The following CTNNA3 variants were observed in gnomAD, a reference collection of about 807,000 sequenced individuals.
The protein encoded by CTNNA3 is catenin alpha-3.
Under a neutral mutation model 95.7 loss-of-function variants are expected in CTNNA3, and 76 were observed. That is an observed-to-expected ratio of 0.79 (90% confidence interval 0.66 to 0.96). The LOEUF (loss-of-function observed/expected upper bound fraction) is 0.96. Ranked by LOEUF, CTNNA3 falls within the 40% of genes least tolerant of loss-of-function variation. The probability of loss-of-function intolerance (pLI) is 0.00; values close to 1 mark genes in which losing one functional copy is unlikely to be tolerated. For synonymous variants in CTNNA3, 431 were observed against 374.4 expected (o/e 1.15, Z -1.74); for missense variants, 1,191 against 1,089.8 (o/e 1.09, Z -1.31).
chr10:67,508,130 C>T (rs1281750396), intron 5 of CTNNA3, among the ~76,000 whole-genome samples: 1 of 152,142 alleles, frequency 6.6e-6, no homozygotes, highest in Non-Finnish European at 1.5e-5. Context: ...TCTCCTTCCT[C>T]ATACTCCCGA....
Position 66,094,858 on chromosome 10 carries a change from A to G in CTNNA3, c.1977+8299T>C, listed in dbSNP as rs545172984. On this transcript the variant is annotated intron_variant, in intron 14 of 17. Transcript: ENST00000433211. ...TGATAGTGGAGATGGTGAAAAATGG[A>G]CAAGTTCAGAAAATACTTAGAAGAG... Among the ~76,000 whole-genome samples the G allele has an allele frequency of 1.9e-4, 29 of 152,218 alleles. No individual in the cohort carries two copies. The South Asian group carries it at 4.8e-3, about 25-fold the overall frequency.
In CTNNA3 at chr10:66,926,747, T is replaced by TA. The variant is rs567084341; in HGVS notation, c.1048-151224dup. On this transcript the variant is annotated intron_variant, in intron 7 of 17. Transcript: ENST00000433211. ...TGGCATGTTTCCTTGTTTAACTATT[T>TA]AAAAAAACAAAACACTAAAGACAAT... Among the ~76,000 whole-genome samples, 7 of 152,248 alleles carry TA rather than the reference T, an allele frequency of 4.6e-5. No homozygotes were observed. In the South Asian group the frequency reaches 8.3e-4, roughly 18 times the overall value.
intron 3 of CTNNA3, among the ~76,000 whole-genome samples, chr10:67,580,031 T>C (rs979675749): frequency 6.6e-6 from 1 of 152,238 alleles, no homozygotes; most frequent in Non-Finnish European, 1.5e-5. Flanking sequence ...GGTAGTTTCT[T>C]CTGCTGTGCG....
chr10:66,298,935 G>A (rs2091822423), intron 12 of CTNNA3, among the ~76,000 whole-genome samples: 2 of 152,108 alleles, frequency 1.3e-5, no homozygotes, highest in South Asian at 4.1e-4. Flanking sequence ...ACTGCTTAGG[G>A]CCAACCTGCC....
At chr10:67,025,269 C>A (rs1315004191) in intron 7 of CTNNA3, among the ~76,000 whole-genome samples, 1 of 151,466 alleles carries the variant, frequency 6.6e-6, no homozygotes, top group African/African-American at 2.4e-5. Flanking sequence ...TAACTAAATT[C>A]TGGTATATTT....
intron 9 of CTNNA3, among the ~76,000 whole-genome samples, chr10:66,649,119 T>C (rs1173365904): frequency 6.6e-6 from 1 of 151,884 alleles, no homozygotes; most frequent in Non-Finnish European, 1.5e-5. Context: ...AAAAGAGTGT[T>C]TAAAGGAGGA....
chr10:66,931,821 G>A (rs1379808926), intron 7 of CTNNA3, among the ~76,000 whole-genome samples: 5 of 152,118 alleles, frequency 3.3e-5, no homozygotes, highest in Admixed American at 2.6e-4. Flanking sequence ...GAGTAATAAC[G>A]CAATAAGAAT....
intron 7 of CTNNA3, among the ~76,000 whole-genome samples, chr10:66,918,833 G>A (rs1846631613): frequency 6.6e-6 from 1 of 151,868 alleles, no homozygotes; most frequent in Non-Finnish European, 1.5e-5. Context: ...GAGAGAGAGA[G>A]AGGTTATAAA....
chr10:66,517,375 T>C (rs1291703400), intron 11 of CTNNA3, among the ~76,000 whole-genome samples: 1 of 152,078 alleles, frequency 6.6e-6, no homozygotes, highest in Non-Finnish European at 1.5e-5. Flanking sequence ...CAGGATGAGA[T>C]AGGAGGTCGG....
At chr10:67,235,889 A>G (rs1001035224) in intron 5 of CTNNA3, among the ~76,000 whole-genome samples, 4 of 143,402 alleles carry the variant, frequency 2.8e-5, no homozygotes, top group Non-Finnish European at 6.0e-5. Context: ...ACATTTATGC[A>G]GCCAAAAAAC....
intron 5 of CTNNA3, among the ~76,000 whole-genome samples, chr10:67,390,502 C>T (rs1259247922): frequency 6.6e-6 from 1 of 152,044 alleles, no homozygotes; most frequent in Admixed American, 6.6e-5. Context: ...ACCATTCCTA[C>T]TGAAACTATT....
intron 11 of CTNNA3, among the ~76,000 whole-genome samples, chr10:66,467,936 C>A (rs1053423858): frequency 3.3e-5 from 5 of 151,484 alleles, no homozygotes; most frequent in Admixed American, 2.6e-4. Context: ...TCTTTTTTTT[C>A]CCCAACTAGA....
chr10:66,220,236 C>T (rs2088847627), intron 13 of CTNNA3, among the ~76,000 whole-genome samples: 1 of 94,886 alleles, frequency 1.1e-5, no homozygotes, highest in African/African-American at 3.7e-5. Context: ...GTTTTAAGCA[C>T]AGTTTAGATG....
At chr10:67,159,226 C>T (rs1861435045) in intron 7 of CTNNA3, among the ~76,000 whole-genome samples, 1 of 152,214 alleles carries the variant, frequency 6.6e-6, no homozygotes, top group Non-Finnish European at 1.5e-5. Flanking sequence ...AATCACAACC[C>T]TTTCATGTGA....
chr10:66,026,399 G>A (rs960459021), intron 15 of CTNNA3, among the ~76,000 whole-genome samples: 1 of 151,960 alleles, frequency 6.6e-6, no homozygotes, highest in Non-Finnish European at 1.5e-5. Context: ...CTTTCTTCCG[G>A]TTTAGTCTCG....
chr10:66,083,711 T>G (rs947866624), intron 14 of CTNNA3, among the ~76,000 whole-genome samples: 2 of 152,200 alleles, frequency 1.3e-5, no homozygotes, highest in African/African-American at 4.8e-5. Flanking sequence ...TATCCATTAC[T>G]GATCACCCAG....
At chr10:66,498,383 C>T (rs1031954491) in intron 11 of CTNNA3, among the ~76,000 whole-genome samples, 3 of 151,998 alleles carry the variant, frequency 2.0e-5, no homozygotes, top group Non-Finnish European at 4.4e-5. Context: ...TTCAATGGTG[C>T]TCAGCCAGGT....
At chr10:66,955,450 A>G (rs1848736777) in intron 7 of CTNNA3, among the ~76,000 whole-genome samples, 7 of 152,174 alleles carry the variant, frequency 4.6e-5, no homozygotes, top group Admixed American at 3.9e-4. Context: ...ATGCCAATTC[A>G]GTAAAATTAA....
At chr10:67,754,814 T>C (rs369989158) in intron 1 of CTNNA3, among the ~76,000 whole-genome samples, 1 of 152,130 alleles carries the variant, frequency 6.6e-6, no homozygotes, top group Non-Finnish European at 1.5e-5. Flanking sequence ...AACCAGAGTA[T>C]ATAAGGAGCT....
Sources: allele counts gnomAD v4.1 joint callset (sites outside exome capture counted in the v4.1 genomes callset), GRCh38; gene constraint gnomAD v4.1.1; transcripts MANE v1.5; gene names NCBI Gene and HGNC (gene_info 2026-07-23, HGNC 2026-07-21).